Variants in ACSL3 observed in about 807,000 individuals in gnomAD.
ACSL3 encodes fatty acid CoA ligase Acsl3.
Under a neutral mutation model 84.7 loss-of-function variants are expected in ACSL3, and 34 were observed. The observed-to-expected ratio is 0.40, with a 90% confidence interval of 0.31 to 0.53. The LOEUF is 0.53. ACSL3 is among the 20% of genes least tolerant of loss of function. ACSL3 has a pLI of 0.48. For missense variants in ACSL3, 680 were observed against 873.1 expected (o/e 0.78, Z 2.79); for synonymous variants, 315 against 299.4 (o/e 1.05, Z -0.54).
intron 1 of ACSL3, among the ~76,000 whole-genome samples, chr2:222,883,379 C>T (rs888861986): frequency 4.0e-5 from 6 of 151,610 alleles, no homozygotes; most frequent in African/African-American, 1.5e-4. Flanking sequence ...AGATGGGTTT[C>T]TCCTTATTGG....
intron 1 of ACSL3, among the ~76,000 whole-genome samples, chr2:222,868,239 T>C (rs1695206283): frequency 6.6e-6 from 1 of 152,150 alleles, no homozygotes; most frequent in South Asian, 2.1e-4. Flanking sequence ...GAACATGAGC[T>C]CAGAGTTAAG....
intron 2 of ACSL3, among the ~76,000 whole-genome samples, chr2:222,895,101 TTTCA>T (rs1271755926): frequency 6.6e-6 from 1 of 152,238 alleles, no homozygotes; most frequent in Non-Finnish European, 1.5e-5. Flanking sequence ...GGTCTTATTA[TTTCA>T]TACTCCAGCC....
intron 1 of ACSL3, among the ~76,000 whole-genome samples, chr2:222,864,626 G>T (rs1023590545): frequency 1.3e-5 from 2 of 152,202 alleles, no homozygotes; most frequent in African/African-American, 4.8e-5. Context: ...GTAGGGGTGG[G>T]ATGGGGAGCA....
intron 4 of ACSL3, among the ~76,000 whole-genome samples, chr2:222,913,596 C>CT (rs1696499159): frequency 2.0e-5 from 3 of 152,150 alleles, no homozygotes; most frequent in Admixed American, 2.0e-4. Context: ...TGCTTCCACA[C>CT]TTGCCCCCAA....
chr2:222,876,040 T>G (rs1333290696), intron 1 of ACSL3, among the ~76,000 whole-genome samples: 1 of 152,208 alleles, frequency 6.6e-6, no homozygotes, highest in Non-Finnish European at 1.5e-5. Context: ...AGTGCTAATG[T>G]AGATGTATGT....
At chr2:222,897,757 CA>C (rs1158029504) in intron 2 of ACSL3, among the ~76,000 whole-genome samples, 1 of 39,046 alleles carries the variant, frequency 2.6e-5, no homozygotes, top group Non-Finnish European at 4.0e-5. Flanking sequence ...CCGTCTCCAC[CA>C]AAAAAAAACG....
At chr2:222,926,668 AGAT>A (rs1696881876) in intron 11 of ACSL3, among the ~76,000 whole-genome samples, 1 of 152,188 alleles carries the variant, frequency 6.6e-6, no homozygotes, top group Admixed American at 6.5e-5. Context: ...CATTTCATAA[AGAT>A]GATAGAATTG....
At chr2:222,923,655 G>T (rs1696798129) in intron 10 of ACSL3, among the ~76,000 whole-genome samples, 1 of 152,122 alleles carries the variant, frequency 6.6e-6, no homozygotes, top group African/African-American at 2.4e-5. Context: ...AAGGGAAATG[G>T]GGCAGCAGTG....
rs181882089 is a variant in ACSL3, at chr2:222,881,467, A to G, written c.-206-6363A>G. ...AATATACTGTTTTTAAGTTTAAGCA[A>G]TTTTGTTTCTGAATAAGATGTTCCT... On this transcript the variant is annotated intron_variant, in intron 1 of 16. Coordinates refer to ENST00000357430, the MANE Select transcript of ACSL3 (RefSeq NM_004457.5). Among the ~76,000 whole-genome samples, 32 of 152,344 alleles carry G rather than the reference A, an allele frequency of 2.1e-4. No individual in the cohort carries two copies. The East Asian group carries it at 6.0e-3, about 28-fold the overall frequency.
chr2:222,899,166 T>C (rs985851926), intron 2 of ACSL3, among the ~76,000 whole-genome samples: 1 of 152,182 alleles, frequency 6.6e-6, no homozygotes, highest in Non-Finnish European at 1.5e-5. Flanking sequence ...AGGAGACTGA[T>C]AGTTTAACCT....
In ACSL3 at chr2:222,934,604, T is replaced by A. The variant is rs768596643; in HGVS notation, c.1922T>A (p.Leu641His). The A allele has an allele frequency of 9.3e-6, 15 of 1,607,588 alleles. No individual in the cohort carries two copies. The East Asian group carries it at 3.1e-4, about 34-fold the overall frequency. Residue 641 changes from leucine (L) to histidine (H), a missense_variant, in exon 16 of 17, where the codon CTT becomes CAT. By Grantham distance (99) the Leu-to-His change is moderately conservative. Transcript: ENST00000357430. Reference protein sequence around the residue: ...ELTELARKKGLKGTWEELCNS... With the variant: ...ELTELARKKGHKGTWEELCNS... ...ACTGAACTAGCTCGAAAGAAAGGACTTAAAGGGACTTGGGAGGAGCTGTGT... is the reference window on the plus strand; with the variant it reads ...ACTGAACTAGCTCGAAAGAAAGGACATAAAGGGACTTGGGAGGAGCTGTGT...
intron 1 of ACSL3, among the ~76,000 whole-genome samples, chr2:222,869,934 CCTT>C (rs1196542915): frequency 2.0e-5 from 3 of 152,114 alleles, no homozygotes; most frequent in Non-Finnish European, 4.4e-5. Flanking sequence ...ATGAATTAAA[CCTT>C]CTAGGAATAG....
chr2:222,875,665 G>A (rs767075565), intron 1 of ACSL3, among the ~76,000 whole-genome samples: 8 of 152,102 alleles, frequency 5.3e-5, no homozygotes, highest in Non-Finnish European at 1.2e-4. Context: ...ACGTTATAGC[G>A]CAGAAATGAT....
At chr2:222,909,186 A>C in intron 4 of ACSL3, 36 bp downstream of exon 4, 1 of 1,566,752 alleles carries the variant, frequency 6.4e-7, no homozygotes, top group Non-Finnish European at 8.6e-7. Context: ...AATTCTTTCG[A>C]ATAAAATATC....
At chr2:222,929,003 C>CT in intron 13 of ACSL3, 67 bp downstream of exon 13, 1 of 1,336,420 alleles carries the variant, frequency 7.5e-7, no homozygotes, top group Non-Finnish European at 1.1e-6. Context: ...TAGTGCTTCA[C>CT]TTTCTTGCTT....
Position 222,916,419 on chromosome 2 carries a change from CCAA to C in ACSL3, c.482_484del (p.Asn161del). 1 of 1,614,044 alleles carries C rather than the reference CCAA, an allele frequency of 6.2e-7. No homozygotes were observed. Among genetic ancestry groups the C allele is most frequent in the South Asian group, 1.1e-5 (1 of 91,070 alleles). ...CAGATGTTGGGTCAGAAACCAAAGA[CCAA>C]CATCGCCATCTTCTGTGAGACCAGG... On this transcript the variant is annotated inframe_deletion, in exon 5 of 17. Coordinates refer to ENST00000357430, the MANE Select transcript of ACSL3 (RefSeq NM_004457.5).
At chr2:222,886,925 C>T (rs116197721) in intron 1 of ACSL3, among the ~76,000 whole-genome samples, 2,514 of 152,250 alleles carry the variant, frequency 0.017, 51 homozygotes, top group African/African-American at 0.05. Flanking sequence ...ATTGACACAT[C>T]GTTATCACCC....
At chr2:222,932,184 G>C (rs1296633530) in intron 14 of ACSL3, among the ~76,000 whole-genome samples, 4 of 152,192 alleles carry the variant, frequency 2.6e-5, no homozygotes, top group Non-Finnish European at 5.9e-5. Flanking sequence ...CATTATGCAT[G>C]TCTCCAGATA....
At chr2:222,930,053 C>T (rs1302643513) in intron 13 of ACSL3, among the ~76,000 whole-genome samples, 1 of 150,988 alleles carries the variant, frequency 6.6e-6, no homozygotes, top group African/African-American at 2.4e-5. Context: ...CTCAGCCTCC[C>T]TAATAGCTGG....
Sources: gnomAD v4.1 joint callset for allele counts (sites outside exome capture counted in the v4.1 genomes callset) on GRCh38, gnomAD v4.1.1 for gene constraint, MANE v1.5 for transcripts, NCBI Gene and HGNC (gene_info 2026-07-23, HGNC 2026-07-21) for gene names.